The following PVT1 variants were observed in gnomAD, a reference collection of about 807,000 sequenced individuals.
The protein encoded by PVT1 is CXCR4/PVT1 fusion.
intron 3 of PVT1, among the ~76,000 whole-genome samples, chr8:127,987,135 A>G (rs1469652686): frequency 6.6e-6 from 1 of 152,230 alleles, no homozygotes; most frequent in Non-Finnish European, 1.5e-5. Flanking sequence ...AGGTGCCAGG[A>G]GGACAGTCCT....
rs547331819 is a variant in PVT1, at chr8:127,984,993, C to T, written n.783-4169C>T. On this transcript the variant is annotated intron_variant and non_coding_transcript_variant, in intron 3 of 10. Transcript: ENST00000651587. Reference sequence around the variant, plus strand: ...CTCCTTCCTTCCTTTCTTTCTTTCTCTTTCCTTCCTTCCTTCCTTCCTTCC... The same window carrying T: ...CTCCTTCCTTCCTTTCTTTCTTTCTTTTTCCTTCCTTCCTTCCTTCCTTCC... 2.5e-3 allele frequency among the ~76,000 whole-genome samples: 259 copies of T among 104,020 alleles called. 2 individuals are homozygous for T. The highest frequency in any genetic ancestry group is 0.011 in the African/African-American group (229 of 21,364). The allele number at this position is 104,020 out of a possible 152,430, so 68.2% of individuals were successfully genotyped here.
intron 3 of PVT1, among the ~76,000 whole-genome samples, chr8:127,910,802 G>A (rs1355341685): frequency 1.3e-5 from 2 of 152,116 alleles, no homozygotes; most frequent in Admixed American, 1.3e-4. Flanking sequence ...TCACACTGCT[G>A]AAAGTGGCTT....
At chr8:128,088,549 C>A (rs938716829) in intron 5 of PVT1, among the ~76,000 whole-genome samples, 1 of 152,230 alleles carries the variant, frequency 6.6e-6, no homozygotes. Context: ...TACCTACTTA[C>A]TATTGTTAAC....
In PVT1 at chr8:127,836,092, A is replaced by G. The variant is rs150537220; in HGVS notation, n.372+40021A>G. Among the ~76,000 whole-genome samples, 591 of 152,232 alleles carry G rather than the reference A, an allele frequency of 3.9e-3. 4 individuals are homozygous for G. The highest frequency in any genetic ancestry group is 8.8e-3 in the Admixed American group (135 of 15,276). On this transcript the variant is annotated intron_variant and non_coding_transcript_variant, in intron 2 of 10. Transcript: ENST00000651587. ...TCAGACCACCCCTTCTAATAGACTC[A>G]TTCCCTAACCTCCATTTCTCATCAC...
intron 3 of PVT1, among the ~76,000 whole-genome samples, chr8:127,957,882 C>T (rs573279548): frequency 2.6e-5 from 4 of 152,344 alleles, no homozygotes; most frequent in East Asian, 3.9e-4. Context: ...TGCCGTGCCT[C>T]GTTCTGCAGG....
intron 2 of PVT1, among the ~76,000 whole-genome samples, chr8:127,846,740 C>T (rs1481093512): frequency 6.6e-6 from 1 of 151,946 alleles, no homozygotes; most frequent in Non-Finnish European, 1.5e-5. Context: ...GGCGCAATCT[C>T]GGCTCACTGC....
At chr8:127,989,426 A>T (rs1030242727) in intron 4 of PVT1, 1 of 151,956 alleles carries the variant, frequency 6.6e-6, no homozygotes. Context: ...TGTGTTCGGG[A>T]AGCTGGCTCC....
chr8:127,818,876 T>C (rs1814696812), intron 2 of PVT1, among the ~76,000 whole-genome samples: 1 of 135,598 alleles, frequency 7.4e-6, no homozygotes, highest in Non-Finnish European at 1.7e-5. Flanking sequence ...TTATTCTCTC[T>C]CTCTCTCTCA....
At chr8:128,054,368 A>G (rs1216076563) in intron 4 of PVT1, among the ~76,000 whole-genome samples, 1 of 152,156 alleles carries the variant, frequency 6.6e-6, no homozygotes, top group East Asian at 1.9e-4. Context: ...CCTAAGATGA[A>G]GTTGAAGAGA....
intron 3 of PVT1, among the ~76,000 whole-genome samples, chr8:127,892,161 T>A (rs1311934056): frequency 5.3e-5 from 8 of 152,334 alleles, no homozygotes; most frequent in Non-Finnish European, 1.0e-4. Flanking sequence ...CAGCACTTTC[T>A]CAGACAGGCT....
intron 2 of PVT1, among the ~76,000 whole-genome samples, chr8:127,861,805 C>T (rs1055629860): frequency 4.6e-5 from 7 of 152,130 alleles, no homozygotes; most frequent in Non-Finnish European, 1.0e-4. Flanking sequence ...AGGTACTGGG[C>T]GCATGTTGCC....
intron 3 of PVT1, among the ~76,000 whole-genome samples, chr8:127,930,347 C>T (rs955681039): frequency 2.0e-5 from 3 of 152,094 alleles, no homozygotes; most frequent in Non-Finnish European, 4.4e-5. Context: ...TTAGTAGAGA[C>T]GAAGTTTTGC....
chr8:127,832,944 T>A (rs1240977241), intron 2 of PVT1, among the ~76,000 whole-genome samples: 1 of 152,176 alleles, frequency 6.6e-6, no homozygotes, highest in Non-Finnish European at 1.5e-5. Context: ...TCTGAGATTA[T>A]CTGATATTCA....
rs553354738 is a variant in PVT1, at chr8:128,073,810, T to A, written n.1114+3449T>A. On this transcript the variant is annotated intron_variant and non_coding_transcript_variant, in intron 5 of 10. Coordinates refer to ENST00000651587, the Ensembl canonical transcript of PVT1. ...AACAACAATTTTTTTTTCTTTTTTT[T>A]TTTTTTTAAGATGAGAAAACTGCTA... Among the ~76,000 whole-genome samples the A allele has an allele frequency of 1.5e-3, 229 of 152,034 alleles. 1 individual carries two copies. Among genetic ancestry groups the A allele is most frequent in the Middle Eastern group, 6.8e-3 (2 of 294 alleles).
intron 2 of PVT1, among the ~76,000 whole-genome samples, chr8:127,817,955 G>A (rs1012034461): frequency 6.6e-6 from 1 of 152,084 alleles, no homozygotes; most frequent in African/African-American, 2.4e-5. Context: ...CCTGCTGTTC[G>A]CCTTGTTCCT....
chr8:127,919,419 GAC>G (rs976629072), intron 3 of PVT1, among the ~76,000 whole-genome samples: 2 of 152,152 alleles, frequency 1.3e-5, no homozygotes, highest in Admixed American at 6.6e-5. Flanking sequence ...TTGACTTAGC[GAC>G]ACAGTCTGTT....
intron 4 of PVT1, chr8:127,989,367 T>G (rs1257140384): frequency 1.3e-5 from 2 of 152,038 alleles, no homozygotes; most frequent in Non-Finnish European, 2.9e-5. Context: ...GCAGCACAGC[T>G]TGGGTTGTGG....
intron 3 of PVT1, among the ~76,000 whole-genome samples, chr8:127,974,201 G>A (rs1056689711): frequency 4.6e-5 from 7 of 152,146 alleles, no homozygotes; most frequent in Admixed American, 4.6e-4. Context: ...GGCCTGGAGA[G>A]CTGACGTTGC....
At chr8:127,854,003 G>C (rs1218777111) in intron 2 of PVT1, among the ~76,000 whole-genome samples, 1 of 151,978 alleles carries the variant, frequency 6.6e-6, no homozygotes, top group East Asian at 1.9e-4. Flanking sequence ...TCTGCCCCCA[G>C]CCCCACGTGC....
Sources: gnomAD v4.1 joint callset for allele counts (sites outside exome capture counted in the v4.1 genomes callset) on GRCh38, gnomAD v4.1.1 for gene constraint, MANE v1.5 for transcripts, NCBI Gene and HGNC (gene_info 2026-07-23, HGNC 2026-07-21) for gene names.